The following VPS13B variants were observed in gnomAD, a reference collection of about 807,000 sequenced individuals.
The protein encoded by VPS13B is vacuolar protein sorting 13 homolog B.
Under a neutral mutation model 426.4 loss-of-function variants are expected in VPS13B, and 285 were observed. The observed-to-expected ratio is 0.67, with a 90% confidence interval of 0.61 to 0.74. VPS13B has a LOEUF of 0.74. VPS13B is among the 30% of genes least tolerant of loss of function. VPS13B has a pLI of 0.00. For missense variants in VPS13B, 4,537 were observed against 4,782.6 expected, an observed-to-expected ratio of 0.95 and a Z score of 1.51; for synonymous variants, 1,676 against 1,676.4, an observed-to-expected ratio of 1.00 and a Z score of 0.01.
chr8:99,178,246 C>A (rs960339080), intron 16 of VPS13B, among the ~76,000 whole-genome samples: 1 of 151,666 alleles, frequency 6.6e-6, no homozygotes, highest in Non-Finnish European at 1.5e-5. Flanking sequence ...CATGCTGGTG[C>A]GCTGCACCCA....
At chr8:99,734,211 C>CTGT (rs1563888298) in intron 39 of VPS13B, among the ~76,000 whole-genome samples, 1 of 152,176 alleles carries the variant, frequency 6.6e-6, no homozygotes, top group African/African-American at 2.4e-5. Context: ...TCATTCCTTT[C>CTGT]TGTTGCCAAA....
intron 16 of VPS13B, among the ~76,000 whole-genome samples, chr8:99,177,979 G>C (rs1812727117): frequency 6.6e-6 from 1 of 152,100 alleles, no homozygotes. Context: ...GAGGGAGAGT[G>C]AAAGTCAGTA....
intron 31 of VPS13B, among the ~76,000 whole-genome samples, chr8:99,567,536 A>G (rs1263810526): frequency 2.6e-5 from 4 of 151,720 alleles, no homozygotes; most frequent in Non-Finnish European, 5.9e-5. Flanking sequence ...ATTTTGCCGA[A>G]CTAAATTTAT....
In VPS13B at chr8:99,192,922, C is replaced by A. The variant is rs754548698; in HGVS notation, c.2380C>A (p.Pro794Thr). 1 of 1,613,454 alleles carries A rather than the reference C, an allele frequency of 6.2e-7. No individual in the cohort carries two copies. Among genetic ancestry groups the A allele is most frequent in the Admixed American group, 1.7e-5 (1 of 60,004 alleles). Residue 794 changes from proline to threonine, a missense_variant, in exon 17 of 62, where the codon CCA becomes ACA. This residue lies in a region of VPS13B where 4,311 missense variants were observed against 4,474.3 expected (regional missense o/e 0.96). Transcript: ENST00000357162. ...TATAACTGAAGGTATATTTGAACTTCCAAATCTCACAATTCAAGCTACAAG... is the reference window on the plus strand; with the variant it reads ...TATAACTGAAGGTATATTTGAACTTACAAATCTCACAATTCAAGCTACAAG... ...IAITEGIFEL[P>T]NLTIQATRAQ...
chr8:99,625,982 A>C (rs1563831656), intron 33 of VPS13B, among the ~76,000 whole-genome samples: 1 of 152,238 alleles, frequency 6.6e-6, no homozygotes, highest in African/African-American at 2.4e-5. Flanking sequence ...TACAGAAATA[A>C]ACAGAATTAG....
At chr8:99,223,335 A>T (rs2132835000) in intron 17 of VPS13B, among the ~76,000 whole-genome samples, 1 of 152,228 alleles carries the variant, frequency 6.6e-6, no homozygotes, top group South Asian at 2.1e-4. Flanking sequence ...TTAAAGAAAA[A>T]ATATTAATAG....
chr8:99,481,585 T>C lies in VPS13B; in HGVS notation c.3667-14T>C. The stretch of plus-strand genomic sequence containing the variant: ...GAAAGACTTGTTTTCTTTTCTTTTT[T>C]CTTATGCTCTCAGGTCCAGCTCTTC... On this transcript the variant is annotated splice_polypyrimidine_tract_variant and intron_variant, in intron 24 of 61. Coordinates refer to ENST00000357162, the MANE Select transcript of VPS13B (RefSeq NM_152564.5). The C allele has an allele frequency of 1.2e-6, 2 of 1,612,748 alleles. No homozygotes were observed. The highest frequency in any genetic ancestry group is 1.7e-6 in the Non-Finnish European group (2 of 1,179,526).
At position 99,115,744 on chromosome 8, in the gene VPS13B, A is replaced by G. The variant is rs775213704; in HGVS notation, c.807A>G (p.Gln269=). ...GTTTGAAACTTTCTATCACAGATCA[A>G]CAACTGCCTATGTTTATTCGTATAA... ...VESLKLSITD[Q]QLPMFIRIMQ... is the part of the protein sequence containing the mutation. Residue 269 remains glutamine (Q), a synonymous_variant, in exon 7 of 62, where the codon CAA becomes CAG. Transcript: ENST00000357162. 3 of 1,613,330 alleles carry G rather than the reference A, an allele frequency of 1.9e-6. No individual in the cohort carries two copies. Among genetic ancestry groups the G allele is most frequent in the East Asian group, 2.2e-5 (1 of 44,752 alleles).
At chr8:99,851,761 T>C (rs1371747611) in intron 55 of VPS13B, among the ~76,000 whole-genome samples, 1 of 151,944 alleles carries the variant, frequency 6.6e-6, no homozygotes, top group Non-Finnish European at 1.5e-5. Flanking sequence ...AGGTAAGAGC[T>C]AGAAGGAGGG....
At chr8:99,860,999 A>T (rs1816804045) in intron 57 of VPS13B, among the ~76,000 whole-genome samples, 1 of 152,234 alleles carries the variant, frequency 6.6e-6, no homozygotes, top group Non-Finnish European at 1.5e-5. Context: ...TTATGACTGA[A>T]GTTATATGGA....
intron 3 of VPS13B, among the ~76,000 whole-genome samples, chr8:99,068,526 G>C (rs1440635344): frequency 6.6e-6 from 1 of 152,144 alleles, no homozygotes; most frequent in Non-Finnish European, 1.5e-5. Context: ...TGCTCCAATG[G>C]CAGAATTGAG....
intron 31 of VPS13B, among the ~76,000 whole-genome samples, chr8:99,566,539 C>A (rs1386024936): frequency 6.6e-6 from 1 of 151,912 alleles, no homozygotes; most frequent in Non-Finnish European, 1.5e-5. Flanking sequence ...CTCCTGGGTT[C>A]AAGCAATTCT....
At chr8:99,618,282 C>CAAAA (rs11301760) in intron 33 of VPS13B, among the ~76,000 whole-genome samples, 7 of 117,234 alleles carry the variant, frequency 6.0e-5, no homozygotes, top group African/African-American at 1.8e-4. Context: ...GTGTATATTT[C>CAAAA]AAAAAAAAAA....
chr8:99,749,134 G>A (rs1013910147), intron 39 of VPS13B, among the ~76,000 whole-genome samples: 2 of 151,932 alleles, frequency 1.3e-5, no homozygotes, highest in African/African-American at 4.8e-5. Context: ...ATATATTTAT[G>A]AGGTAAATGA....
chr8:99,522,991 C>G lies in VPS13B; in HGVS notation c.4745+1981C>G, dbSNP rs540952384. On this transcript the variant is annotated intron_variant, in intron 30 of 61. Transcript: ENST00000357162. ...GCATACTAGGGCTGATTTTATTATT[C>G]CTATGATTTTGTTAACCATGAAATC... 9.2e-5 allele frequency among the ~76,000 whole-genome samples: 14 copies of G among 152,214 alleles called. 1 individual carries two copies. The South Asian group carries it at 2.9e-3, about 32-fold the overall frequency.
chr8:99,533,603 ACC>A (rs1823045709), intron 30 of VPS13B, among the ~76,000 whole-genome samples: 4 of 152,334 alleles, frequency 2.6e-5, no homozygotes, highest in Non-Finnish European at 5.9e-5. Context: ...GAGGAATATA[ACC>A]AATAGAAAAT....
intron 30 of VPS13B, among the ~76,000 whole-genome samples, chr8:99,547,520 A>T (rs1824051883): frequency 6.6e-6 from 1 of 152,080 alleles, no homozygotes; most frequent in African/African-American, 2.4e-5. Context: ...AATTCCCGAG[A>T]TATGCCTATT....
At position 99,502,929 on chromosome 8, in the gene VPS13B, A is replaced by G. The variant is rs1415035849; in HGVS notation, c.4136A>G (p.Asn1379Ser). 3.1e-6 allele frequency: 5 copies of G among 1,609,186 alleles called. No homozygotes were observed. The highest frequency in any genetic ancestry group is 4.3e-6 in the Non-Finnish European group (5 of 1,175,972). The change falls in exon 27 of 62, where the codon AAT becomes AGT. Residue 1379 changes from asparagine (N) to serine (S), a missense_variant. By Grantham distance (46) the Asn-to-Ser change is conservative. This residue lies in a region of VPS13B where 4,311 missense variants were observed against 4,474.3 expected (regional missense o/e 0.96). Coordinates refer to ENST00000357162, the MANE Select transcript of VPS13B (RefSeq NM_152564.5). ...GTGAAATGTAAAATAGAGAGTTTCA[A>G]TATTGATCACTATAGAAGCAGGTAA... ...TKVKCKIESF[N>S]IDHYRSRPGE...
chr8:99,536,342 A>G (rs573728756), intron 30 of VPS13B, among the ~76,000 whole-genome samples: 3 of 152,334 alleles, frequency 2.0e-5, no homozygotes, highest in Non-Finnish European at 2.9e-5. Flanking sequence ...TTTCCATGTA[A>G]ATCTCTGAAT....
Sources: gnomAD v4.1 joint callset for allele counts (sites outside exome capture counted in the v4.1 genomes callset) on GRCh38, gnomAD v4.1.1 for gene constraint, gnomAD v4.1.1 regional missense constraint, MANE v1.5 for transcripts, NCBI Gene and HGNC (gene_info 2026-07-23, HGNC 2026-07-21) for gene names.